BTD: variants seen among roughly 807,000 people sequenced by gnomAD.
The protein encoded by BTD is biotinidase.
BTD carries 13 observed loss-of-function variants against 17.7 expected under a neutral mutation model. That is an observed-to-expected ratio of 0.74 (90% confidence interval 0.48 to 1.17). The LOEUF (loss-of-function observed/expected upper bound fraction) is 1.17, where lower values mean the gene tolerates loss of function less well. Ranked by LOEUF, BTD falls within the 50% of genes most tolerant of loss-of-function variation. The probability of loss-of-function intolerance (pLI) is 0.00; values close to 1 mark genes in which losing one functional copy is unlikely to be tolerated. For missense variants in BTD, 674 were observed against 650.4 expected, an observed-to-expected ratio of 1.04 and a Z score of -0.39; for synonymous variants, 240 against 245.2, an observed-to-expected ratio of 0.98 and a Z score of 0.20.
intron 1 of BTD, among the ~76,000 whole-genome samples, chr3:15,625,504 C>A (rs375883478): frequency 6.6e-6 from 1 of 152,152 alleles, no homozygotes; most frequent in African/African-American, 2.4e-5. Context: ...GTGCCTCCAT[C>A]TAAGACTGGG....
chr3:15,707,272 G>GT (rs2071585476), intron 3 of BTD, among the ~76,000 whole-genome samples: 1 of 151,912 alleles, frequency 6.6e-6, no homozygotes, highest in African/African-American at 2.4e-5. Context: ...AAAAAAATAT[G>GT]TATCAAGGTA....
chr3:15,695,878 G>A (rs1354606650), intron 3 of BTD, among the ~76,000 whole-genome samples: 1 of 152,058 alleles, frequency 6.6e-6, no homozygotes, highest in African/African-American at 2.4e-5. Context: ...TAAAGGGGCA[G>A]GAGAAGTAAA....
At chr3:15,708,888 A>G (rs2071838173) in intron 3 of BTD, among the ~76,000 whole-genome samples, 1 of 152,128 alleles carries the variant, frequency 6.6e-6, no homozygotes. Flanking sequence ...CTTCTGACAT[A>G]CACCCTTCCT....
intron 3 of BTD, chr3:15,685,453 A>G (rs1185592751): frequency 6.2e-7 from 1 of 1,613,294 alleles, no homozygotes; most frequent in South Asian, 1.1e-5. Flanking sequence ...TGCCTGAAAG[A>G]AAATAATTTA....
downstream of BTD, among the ~76,000 whole-genome samples, chr3:15,658,630 T>G (rs1488351397): frequency 6.6e-6 from 1 of 152,120 alleles, no homozygotes; most frequent in African/African-American, 2.4e-5. Context: ...GCAAGGCTGC[T>G]TGACACTTTG....
At chr3:15,715,026 T>C (rs2126103167), downstream of BTD, among the ~76,000 whole-genome samples, 1 of 152,306 alleles carries the variant, frequency 6.6e-6, no homozygotes, top group South Asian at 2.1e-4. Context: ...TTCGTGAATT[T>C]TGTGTGGATA....
rs2067312438 is a variant in BTD, at chr3:15,679,640, A to C, written c.400-30420A>C. On this transcript the variant is annotated intron_variant, in intron 3 of 3. Transcript: ENST00000672141. ...AAATCACAGGTACATGTAAGTGTTT[A>C]AAGGAAAAATGTAAAAGTCTCTCCC... 4.4e-6 allele frequency: 5 copies of C among 1,147,284 alleles called. No homozygotes were observed. In the Admixed American group the frequency reaches 8.6e-5, roughly 20 times the overall value. The allele number at this position is 1,147,284 out of a possible 1,614,324, so 71.1% of individuals were successfully genotyped here.
chr3:15,680,722 G>C (rs1343041466), intron 3 of BTD, among the ~76,000 whole-genome samples: 3 of 152,058 alleles, frequency 2.0e-5, no homozygotes, highest in Non-Finnish European at 4.4e-5. Flanking sequence ...TTGAAGTGCA[G>C]TGGCATGATC....
At chr3:15,709,891 A>G (rs1356645375) in intron 3 of BTD, among the ~76,000 whole-genome samples, 1 of 152,212 alleles carries the variant, frequency 6.6e-6, no homozygotes, top group African/African-American at 2.4e-5. Flanking sequence ...ATTGAAATTC[A>G]TCTTATCTAG....
downstream of BTD, chr3:15,714,637 G>A: frequency 6.3e-7 from 1 of 1,596,242 alleles, no homozygotes; most frequent in South Asian, 1.1e-5. Flanking sequence ...CATGTGTAGT[G>A]GGGTTTTCCC....
chr3:15,628,021 C>T (rs917508581), intron 1 of BTD, among the ~76,000 whole-genome samples: 1 of 152,188 alleles, frequency 6.6e-6, no homozygotes, highest in African/African-American at 2.4e-5. Flanking sequence ...CATGCCCAGC[C>T]CCAAGGGTTA....
Position 15,708,048 on chromosome 3 carries a change from C to T in BTD, c.400-2012C>T, listed in dbSNP as rs2276752. 19 of 1,606,208 alleles carry T rather than the reference C, an allele frequency of 1.2e-5. No individual in the cohort carries two copies. In the Admixed American group the frequency reaches 1.4e-4, roughly 12 times the overall value. On this transcript the variant is annotated intron_variant, in intron 3 of 3. Transcript: ENST00000672141. ...CACTGGTAATTGCAGTTGGCAGCAG[C>T]GTAGTGCAGTGGAGATCTTTTGGGT...
At chr3:15,616,497 T>G (rs1430176725) in intron 1 of BTD, among the ~76,000 whole-genome samples, 1 of 152,022 alleles carries the variant, frequency 6.6e-6, no homozygotes, top group Admixed American at 6.6e-5. Flanking sequence ...GCGCCTGTAA[T>G]CCCAGCTACT....
At chr3:15,611,438 GA>G (rs992658162) in intron 1 of BTD, among the ~76,000 whole-genome samples, 19 of 151,816 alleles carry the variant, frequency 1.3e-4, no homozygotes, top group African/African-American at 3.9e-4. Context: ...CACTTCATAA[GA>G]AAAAAATGCC....
chr3:15,631,507 T>A, intron 1 of BTD: 1 of 1,526,806 alleles, frequency 6.5e-7, no homozygotes. Flanking sequence ...TGGGGAAAAA[T>A]CCCTTGTGTG....
At chr3:15,709,795 G>A in intron 3 of BTD, 1 of 1,207,638 alleles carries the variant, frequency 8.3e-7, no homozygotes, top group African/African-American at 1.5e-5. Flanking sequence ...AATGAAATTG[G>A]TAGGTTTAAA....
At chr3:15,661,304 A>C (rs556279654) in intron 3 of BTD, among the ~76,000 whole-genome samples, 1 of 148,990 alleles carries the variant, frequency 6.7e-6, no homozygotes, top group South Asian at 2.1e-4. Flanking sequence ...GAAAAAGAAA[A>C]AGAGCTCCTC....
At chr3:15,671,692 A>C (rs1466973026) in intron 3 of BTD, among the ~76,000 whole-genome samples, 3 of 149,468 alleles carry the variant, frequency 2.0e-5, no homozygotes, top group African/African-American at 7.5e-5. Flanking sequence ...CAAGTGATTC[A>C]CCTGCCTCAG....
upstream of BTD, chr3:15,601,730 G>A: frequency 6.3e-7 from 1 of 1,574,964 alleles, no homozygotes; most frequent in Non-Finnish European, 8.6e-7. Flanking sequence ...AATGCCAGAG[G>A]GAGGCGGGAC....
Sources: allele counts gnomAD v4.1 joint callset (sites outside exome capture counted in the v4.1 genomes callset), GRCh38; gene constraint gnomAD v4.1.1; transcripts MANE v1.5; gene names NCBI Gene and HGNC (gene_info 2026-07-23, HGNC 2026-07-21).